Variants in CERS6 observed in about 807,000 individuals in gnomAD.
CERS6 encodes the protein LAG1 homolog, ceramide synthase 6.
Under a neutral mutation model 56.8 loss-of-function variants are expected in CERS6, and 26 were observed. The ratio of observed to expected loss-of-function variants is 0.46; its 90% CI spans 0.34 to 0.63. CERS6 has a LOEUF of 0.63. Among genes scored for constraint, CERS6 ranks in the 30% least tolerant of loss-of-function variants. CERS6 has a pLI of 0.01. For synonymous variants in CERS6, 164 were observed against 173.3 expected, an observed-to-expected ratio of 0.95 and a Z score of 0.42; for missense variants, 415 against 467.5, an observed-to-expected ratio of 0.89 and a Z score of 1.04.
intron 1 of CERS6, among the ~76,000 whole-genome samples, chr2:168,462,389 A>G (rs1216242233): frequency 6.6e-6 from 1 of 152,042 alleles, no homozygotes; most frequent in Non-Finnish European, 1.5e-5. Flanking sequence ...TGCCTTGAGA[A>G]TCTTTATTCT....
At chr2:168,733,349 A>G (rs1683607588) in intron 8 of CERS6, among the ~76,000 whole-genome samples, 1 of 152,200 alleles carries the variant, frequency 6.6e-6, no homozygotes, top group Non-Finnish European at 1.5e-5. Flanking sequence ...CAGTATCTTG[A>G]GAACCTTGAA....
intron 3 of CERS6, among the ~76,000 whole-genome samples, chr2:168,614,830 A>G (rs1274846825): frequency 6.6e-6 from 1 of 152,076 alleles, no homozygotes; most frequent in Non-Finnish European, 1.5e-5. Flanking sequence ...TGGGAGTTCT[A>G]GGTCCCCATC....
rs541575800 is a variant in CERS6 at position 168,761,081 on chromosome 2, G to A, written c.846-4511G>A. Among the ~76,000 whole-genome samples the A allele has an allele frequency of 2.0e-5, 3 of 152,166 alleles. No individual in the cohort carries two copies. The East Asian group carries it at 5.8e-4, about 29-fold the overall frequency. On this transcript the variant is annotated intron_variant, in intron 8 of 9. Coordinates refer to ENST00000305747, the MANE Select transcript of CERS6 (RefSeq NM_203463.3). The stretch of plus-strand genomic sequence containing the variant: ...CGGGTTTACTGTTTATTAGAGTCCA[G>A]GTGTCATATGTTCTCTCTGTTCCCT...
chr2:168,609,787 C>T (rs1404845710), intron 3 of CERS6, among the ~76,000 whole-genome samples: 1 of 152,112 alleles, frequency 6.6e-6, no homozygotes, highest in Non-Finnish European at 1.5e-5. Context: ...TCTTTCCTTG[C>T]CGCTTACCCA....
intron 4 of CERS6, among the ~76,000 whole-genome samples, chr2:168,675,584 TCAAAA>T (rs1280232993): frequency 5.3e-5 from 8 of 151,922 alleles, no homozygotes; most frequent in South Asian, 2.1e-4. Flanking sequence ...AGACCCTGTC[TCAAAA>T]CAAAACAAAA....
intron 1 of CERS6, among the ~76,000 whole-genome samples, chr2:168,484,272 C>T (rs564488175): frequency 2.7e-5 from 4 of 148,740 alleles, no homozygotes; most frequent in Non-Finnish European, 4.4e-5. Context: ...GCCTCCACCT[C>T]CCGGGTTCAA....
At chr2:168,758,901 G>A (rs1357213602) in intron 8 of CERS6, among the ~76,000 whole-genome samples, 1 of 152,010 alleles carries the variant, frequency 6.6e-6, no homozygotes, top group Non-Finnish European at 1.5e-5. Flanking sequence ...AATGCGAATC[G>A]GTACGGCCTT....
chr2:168,759,427 A>G (rs897842977), intron 8 of CERS6, among the ~76,000 whole-genome samples: 1 of 152,230 alleles, frequency 6.6e-6, no homozygotes, highest in African/African-American at 2.4e-5. Context: ...AAGTGAGCCT[A>G]ACATGAATGA....
At chr2:168,494,954 C>A (rs184170038) in intron 1 of CERS6, among the ~76,000 whole-genome samples, 2 of 152,234 alleles carry the variant, frequency 1.3e-5, no homozygotes, top group East Asian at 3.9e-4. Flanking sequence ...GATTCCTTAG[C>A]TTGGAACCTT....
At chr2:168,503,568 G>A (rs551014961) in intron 1 of CERS6, among the ~76,000 whole-genome samples, 3 of 152,270 alleles carry the variant, frequency 2.0e-5, no homozygotes, top group African/African-American at 7.2e-5. Flanking sequence ...GGTGGAAATG[G>A]CAGCAATTGC....
intron 8 of CERS6, among the ~76,000 whole-genome samples, chr2:168,722,999 G>A (rs1000621100): frequency 6.6e-6 from 1 of 152,168 alleles, no homozygotes; most frequent in South Asian, 2.1e-4. Flanking sequence ...TATCCACTCT[G>A]TGCTGCTGTT....
At chr2:168,667,210 T>C (rs1001705917) in intron 4 of CERS6, among the ~76,000 whole-genome samples, 2 of 152,354 alleles carry the variant, frequency 1.3e-5, no homozygotes. Flanking sequence ...TAGTGACATT[T>C]AGAAAACCTT....
In CERS6 at chr2:168,769,874, C is replaced by CA; in HGVS notation, c.*213dup. ...TTGTAGGCATGCTGTATGTAATTGA[C>CA]ACAAGGGAACAGTATTTGCATTTGT... On this transcript the variant is annotated 3_prime_UTR_variant, in exon 10 of 10. Coordinates refer to ENST00000305747, the MANE Select transcript of CERS6 (RefSeq NM_203463.3). 1 of 550,072 alleles carries CA rather than the reference C, an allele frequency of 1.8e-6. No homozygotes were observed. The allele number at this position is 550,072 out of a possible 1,614,324, so 34.1% of individuals were successfully genotyped here. A position where few individuals can be genotyped will look rare whatever the true frequency, so the allele number is the denominator to read the frequency against.
In CERS6 at chr2:168,456,721, G is replaced by A; in HGVS notation, c.170+103G>A. On this transcript the variant is annotated intron_variant, in intron 1 of 9. Transcript: ENST00000305747. This position sits in a 1 kb window ranked among gnomAD's most constrained non-coding sequence, Gnocchi z 4.1. ...ACGCCCCCGCGCCCCCAACGCTCGC[G>A]TTCACGCCTCCCAACCTTTGTGTTC... The A allele has an allele frequency of 8.9e-7, 1 of 1,126,344 alleles. No individual in the cohort carries two copies. Among genetic ancestry groups the A allele is most frequent in the Non-Finnish European group, 1.3e-6 (1 of 783,306 alleles). The allele number at this position is 1,126,344 out of a possible 1,614,324, so 69.8% of individuals were successfully genotyped here. A position where few individuals can be genotyped will look rare whatever the true frequency, so the allele number is the denominator to read the frequency against.
At chr2:168,572,058 A>G (rs1695999414) in intron 3 of CERS6, among the ~76,000 whole-genome samples, 1 of 152,208 alleles carries the variant, frequency 6.6e-6, no homozygotes. Context: ...AGCATTAAAC[A>G]CTTGGTACAC....
chr2:168,761,527 C>T (rs1178422285), intron 8 of CERS6, among the ~76,000 whole-genome samples: 1 of 152,194 alleles, frequency 6.6e-6, no homozygotes, highest in Non-Finnish European at 1.5e-5. Context: ...ACTAAAGTTT[C>T]TCTGAATATC....
intron 1 of CERS6, among the ~76,000 whole-genome samples, chr2:168,528,966 A>C (rs1695118387): frequency 1.3e-5 from 2 of 152,098 alleles, no homozygotes; most frequent in Admixed American, 6.5e-5. Context: ...ATCAGACTTG[A>C]TCTCTGTCTA....
chr2:168,681,813 G>A (rs959424231), intron 4 of CERS6, among the ~76,000 whole-genome samples: 1 of 152,064 alleles, frequency 6.6e-6, no homozygotes, highest in South Asian at 2.1e-4. Context: ...CCATCCCCTA[G>A]TAACCACTAT....
intron 1 of CERS6, among the ~76,000 whole-genome samples, chr2:168,463,378 A>G (rs1022299573): frequency 6.6e-6 from 1 of 152,334 alleles, no homozygotes; most frequent in East Asian, 1.9e-4. Context: ...CTGTGGTTAT[A>G]CCATAATTTA....
Sources: gnomAD v4.1 joint callset for allele counts (sites outside exome capture counted in the v4.1 genomes callset) on GRCh38, gnomAD v4.1.1 for gene constraint, Gnocchi (gnomAD v3.1) non-coding constraint, MANE v1.5 for transcripts, NCBI Gene and HGNC (gene_info 2026-07-23, HGNC 2026-07-21) for gene names.